GLIS1: variants seen among roughly 807,000 people sequenced by gnomAD.
The protein encoded by GLIS1 is zinc finger protein GLIS1.
A neutral mutation model predicts 63.8 loss-of-function variants in GLIS1; 24 were observed. That is an observed-to-expected ratio of 0.38 (90% CI 0.27 to 0.53). The LOEUF is 0.53. Among genes scored for constraint, GLIS1 ranks in the 20% least tolerant of loss-of-function variants. The probability of loss-of-function intolerance (pLI) is 0.85; values close to 1 mark genes in which losing one functional copy is unlikely to be tolerated. For synonymous variants in GLIS1, 450 were observed against 482.5 expected (o/e 0.93, Z 0.88); for missense variants, 1,036 against 1,074.1 (o/e 0.96, Z 0.50).
chr1:53,602,136 C>T (rs760842610), intron 2 of GLIS1, among the ~76,000 whole-genome samples: 1 of 152,184 alleles, frequency 6.6e-6, no homozygotes, highest in Non-Finnish European at 1.5e-5. Context: ...TCCCACTGGC[C>T]CTGGCTGCTG....
chr1:53,649,090 C>T (rs572381811), intron 2 of GLIS1, among the ~76,000 whole-genome samples: 2 of 152,062 alleles, frequency 1.3e-5, no homozygotes, highest in Non-Finnish European at 2.9e-5. Flanking sequence ...AATTCACAGA[C>T]GAACTGCATA....
In GLIS1 at chr1:53,584,037, T is replaced by G. The variant is rs528224140; in HGVS notation, c.1320+10071A>C. ...GTGCCCAGGCGTTGGCAAGACTGGGTGCATGGTCCGAGGCCGGTGGATCTG... is the reference window on the plus strand; with the variant it reads ...GTGCCCAGGCGTTGGCAAGACTGGGGGCATGGTCCGAGGCCGGTGGATCTG... On this transcript the variant is annotated intron_variant, in intron 4 of 10. Transcript: ENST00000628545. Among the ~76,000 whole-genome samples the G allele has an allele frequency of 2.0e-5, 3 of 152,242 alleles. No individual in the cohort carries two copies. In the East Asian group the frequency reaches 5.8e-4, roughly 29 times the overall value.
At chr1:53,664,242 C>G (rs1335159467) in intron 2 of GLIS1, among the ~76,000 whole-genome samples, 2 of 152,202 alleles carry the variant, frequency 1.3e-5, no homozygotes, top group African/African-American at 2.4e-5. Context: ...TAATCCCACA[C>G]TGCACCTGCT....
chr1:53,656,588 T>C (rs773485876), intron 2 of GLIS1, among the ~76,000 whole-genome samples: 51 of 152,202 alleles, frequency 3.4e-4, no homozygotes, highest in Admixed American at 3.3e-3. Context: ...TATAGACTTC[T>C]CCTCGTGCGA....
intron 6 of GLIS1, among the ~76,000 whole-genome samples, chr1:53,523,320 C>T (rs1644430586): frequency 1.3e-5 from 2 of 152,072 alleles, no homozygotes; most frequent in Admixed American, 1.3e-4. Flanking sequence ...GACCAACTTC[C>T]CAAGCCTGGC....
intron 2 of GLIS1, among the ~76,000 whole-genome samples, chr1:53,662,398 C>A (rs957542200): frequency 6.6e-6 from 1 of 152,152 alleles, no homozygotes; most frequent in African/African-American, 2.4e-5. Context: ...TGGATGGGAA[C>A]GCACTTTGTA....
At chr1:53,584,442 C>G (rs1466728570) in intron 4 of GLIS1, among the ~76,000 whole-genome samples, 1 of 152,210 alleles carries the variant, frequency 6.6e-6, no homozygotes, top group Non-Finnish European at 1.5e-5. Flanking sequence ...AGTGCCCACC[C>G]ACCTGTCAGA....
At chr1:53,585,929 A>G (rs1274649963) in intron 4 of GLIS1, among the ~76,000 whole-genome samples, 4 of 152,174 alleles carry the variant, frequency 2.6e-5, no homozygotes, top group African/African-American at 9.7e-5. Context: ...AGATGCAAAA[A>G]CAGACTTGGG....
intron 4 of GLIS1, among the ~76,000 whole-genome samples, chr1:53,558,540 T>C (rs116333673): frequency 0.013 from 2,037 of 152,126 alleles, 54 homozygotes; most frequent in African/African-American, 0.047. Flanking sequence ...TTCCCATGCC[T>C]CCCCCTAACG....
chr1:53,673,434 C>T (rs764574930), intron 2 of GLIS1, among the ~76,000 whole-genome samples: 14 of 152,176 alleles, frequency 9.2e-5, no homozygotes, highest in Non-Finnish European at 1.6e-4. Flanking sequence ...GTAGGGGAAC[C>T]GTGGTTTCAA....
At chr1:53,558,890 A>T (rs1644858882) in intron 4 of GLIS1, among the ~76,000 whole-genome samples, 1 of 152,196 alleles carries the variant, frequency 6.6e-6, no homozygotes. Flanking sequence ...GCCAGAAACA[A>T]ACCAGAGCTT....
intron 2 of GLIS1, among the ~76,000 whole-genome samples, chr1:53,726,009 A>G (rs1159153331): frequency 1.3e-5 from 2 of 152,200 alleles, no homozygotes; most frequent in Non-Finnish European, 2.9e-5. Context: ...TTCATGACAT[A>G]TCCTGCTTCC....
At chr1:53,650,072 G>A (rs2100323157) in intron 2 of GLIS1, among the ~76,000 whole-genome samples, 1 of 152,282 alleles carries the variant, frequency 6.6e-6, no homozygotes, top group African/African-American at 2.4e-5. Context: ...CTCCAGATGG[G>A]CAGCAGGGAG....
At chr1:53,561,304 C>G (rs1205648190) in intron 4 of GLIS1, among the ~76,000 whole-genome samples, 1 of 152,020 alleles carries the variant, frequency 6.6e-6, no homozygotes, top group Non-Finnish European at 1.5e-5. Context: ...CTTTACAAGC[C>G]TCCAGCTATA....
chr1:53,621,611 C>T (rs1645543265), intron 2 of GLIS1, among the ~76,000 whole-genome samples: 3 of 152,082 alleles, frequency 2.0e-5, no homozygotes, highest in Admixed American at 2.0e-4. Context: ...TTATTTTAAC[C>T]ATTTATAAAG....
At chr1:53,625,102 C>G (rs1166206835) in intron 2 of GLIS1, among the ~76,000 whole-genome samples, 1 of 152,256 alleles carries the variant, frequency 6.6e-6, no homozygotes, top group Non-Finnish European at 1.5e-5. Context: ...AGTCCAGCTT[C>G]TGGCCGCTCC....
At chr1:53,576,783 G>C (rs1274916424) in intron 4 of GLIS1, among the ~76,000 whole-genome samples, 1 of 152,074 alleles carries the variant, frequency 6.6e-6, no homozygotes, top group Admixed American at 6.5e-5. Context: ...GCACAGGCTC[G>C]AGGGCTCAAC....
At chr1:53,616,247 G>T (rs1000550088) in intron 2 of GLIS1, among the ~76,000 whole-genome samples, 9 of 152,260 alleles carry the variant, frequency 5.9e-5, no homozygotes, top group African/African-American at 2.2e-4. Context: ...CGACAGCGAT[G>T]GTGACCAACA....
intron 4 of GLIS1, among the ~76,000 whole-genome samples, chr1:53,559,827 C>T (rs59355631): frequency 0.037 from 5,583 of 152,164 alleles, 332 homozygotes; most frequent in African/African-American, 0.13. Context: ...TCATCTACAT[C>T]CCCCCCAGTC....
Sources: allele counts gnomAD v4.1 joint callset (sites outside exome capture counted in the v4.1 genomes callset), GRCh38; gene constraint gnomAD v4.1.1; transcripts MANE v1.5; gene names NCBI Gene and HGNC (gene_info 2026-07-23, HGNC 2026-07-21).